Variants in SGSM3 observed in about 807,000 individuals in gnomAD.
SGSM3 encodes RUN and SH3 containing 3.
SGSM3 carries 96 observed loss-of-function variants against 100.5 expected under a neutral mutation model. The ratio of observed to expected loss-of-function variants is 0.96; its 90% CI spans 0.81 to 1.13. The LOEUF is 1.13. Among genes scored for constraint, SGSM3 ranks in the 50% most tolerant of loss-of-function variants. The pLI is 0.00. For synonymous variants in SGSM3, 483 were observed against 422.8 expected (o/e 1.14, Z -1.75); for missense variants, 1,001 against 1,015.8 (o/e 0.99, Z 0.20).
intron 1 of SGSM3, chr22:40,387,399 G>A (rs2048652846): frequency 2.6e-6 from 1 of 386,622 alleles, no homozygotes; most frequent in Non-Finnish European, 4.6e-6. Flanking sequence ...AATAAATGAT[G>A]TAAAGATGAG....
intron 16 of SGSM3, 53 bp downstream of exon 16, chr22:40,408,482 C>T: frequency 6.3e-7 from 1 of 1,598,098 alleles, no homozygotes; most frequent in Non-Finnish European, 8.6e-7. Flanking sequence ...CCTGCTGTGC[C>T]CCCTAGTACC....
intron 1 of SGSM3, among the ~76,000 whole-genome samples, chr22:40,389,744 A>G (rs1438290630): frequency 6.6e-6 from 1 of 151,666 alleles, no homozygotes; most frequent in African/African-American, 2.4e-5. Flanking sequence ...GTCTCTACTA[A>G]AAATACAAAA....
rs1422743489 is a variant in SGSM3, at chr22:40,407,963, C to G, written c.1580-108C>G. ...CTATACACCTGCCTGGCTTGAGGTC[C>G]CTGAAGCAGCTGAGCCGGCTTCCCA... is the stretch of plus-strand genomic sequence containing the variant. On this transcript the variant is annotated intron_variant, in intron 14 of 21. Coordinates refer to ENST00000248929, the MANE Select transcript of SGSM3 (RefSeq NM_015705.6). This position sits in a 1 kb window ranked among gnomAD's most constrained non-coding sequence, Gnocchi z 4.7. 2.7e-6 allele frequency: 4 copies of G among 1,459,190 alleles called. No homozygotes were observed. The African/African-American group carries it at 4.2e-5, about 15-fold the overall frequency. The allele number at this position is 1,459,190 out of a possible 1,614,324, so 90.4% of individuals were successfully genotyped here. A position where few individuals can be genotyped will look rare whatever the true frequency, so the allele number is the denominator to read the frequency against.
chr22:40,380,427 C>T (rs2047379915), intron 1 of SGSM3, among the ~76,000 whole-genome samples: 1 of 148,502 alleles, frequency 6.7e-6, no homozygotes, highest in Non-Finnish European at 1.5e-5. Flanking sequence ...AGTGCAGTGG[C>T]ACTATCTCAG....
At chr22:40,374,098 G>T (rs920560195) in intron 1 of SGSM3, among the ~76,000 whole-genome samples, 6 of 151,848 alleles carry the variant, frequency 4.0e-5, no homozygotes, top group Non-Finnish European at 7.4e-5. Context: ...GACTACAGGC[G>T]CCTGCCACCA....
chr22:40,408,028 C>G (rs551743698), intron 14 of SGSM3, 43 bp from the exon 15 acceptor site: 60 of 1,599,956 alleles, frequency 3.8e-5, no homozygotes, highest in Non-Finnish European at 5.0e-5. Flanking sequence ...GCTCTGTCCT[C>G]GGCCCTCGTG....
intron 1 of SGSM3, 98 bp downstream of exon 1, chr22:40,370,786 G>A (rs1167975771): frequency 6.6e-6 from 1 of 152,294 alleles, no homozygotes; most frequent in Non-Finnish European, 1.5e-5. Flanking sequence ...GTCCGACCGA[G>A]GGTCGTATGG....
At position 40,409,275 on chromosome 22, in the gene SGSM3, G is replaced by A; in HGVS notation, c.2014G>A (p.Glu672Lys). 6.2e-7 allele frequency: 1 copy of A among 1,611,348 alleles called. No individual in the cohort carries two copies. Among genetic ancestry groups the A allele is most frequent in the Non-Finnish European group, 8.5e-7 (1 of 1,179,716 alleles). ...TGAGCAGGTGCTGCACCTGTGGCTG[G>A]AGGTGCTCTGCTCCAGCCTGCCCAC... ...LNEQVLHLWL[E>K]VLCSSLPTVE... The change falls in exon 20 of 22, where the codon GAG becomes AAG. Residue 672 changes from glutamate (E) to lysine (K), a missense_variant. Glu to Lys is a moderately conservative substitution (Grantham distance 56). Coordinates refer to ENST00000248929, the MANE Select transcript of SGSM3 (RefSeq NM_015705.6).
intron 1 of SGSM3, among the ~76,000 whole-genome samples, chr22:40,392,718 T>C (rs2049523334): frequency 6.6e-6 from 1 of 152,248 alleles, no homozygotes; most frequent in Non-Finnish European, 1.5e-5. Flanking sequence ...CCTTTTAAAG[T>C]GTATAATTTA....
intron 1 of SGSM3, among the ~76,000 whole-genome samples, chr22:40,371,854 G>C (rs1170636735): frequency 6.8e-6 from 1 of 147,368 alleles, no homozygotes; most frequent in African/African-American, 2.5e-5. Flanking sequence ...CCGCCACCAC[G>C]CCCGGCTAAT....
At chr22:40,383,326 G>A (rs530540511) in intron 1 of SGSM3, among the ~76,000 whole-genome samples, 2 of 152,176 alleles carry the variant, frequency 1.3e-5, no homozygotes, top group Non-Finnish European at 2.9e-5. Context: ...AATTAGCCCG[G>A]CGTGGTGGCA....
rs369281504 is a variant in SGSM3 at position 40,406,491 on chromosome 22, G to C, written c.1014G>C (p.Ser338=). 3 of 1,610,532 alleles carry C rather than the reference G, an allele frequency of 1.9e-6. No homozygotes were observed. The highest frequency in any genetic ancestry group is 2.7e-5 in the African/African-American group (2 of 75,020). The change falls in exon 10 of 22, where the codon TCG becomes TCC. Residue 338 remains serine, a synonymous_variant. Coordinates refer to ENST00000248929, the MANE Select transcript of SGSM3 (RefSeq NM_015705.6). ...CGGCCTCCATCTTCAACACGCTATCGGATATCCCGTCGCAGATGGAGGACG... is the reference window on the plus strand; with the variant it reads ...CGGCCTCCATCTTCAACACGCTATCCGATATCCCGTCGCAGATGGAGGACG... ...ENSASIFNTL[S]DIPSQMEDAE...
At chr22:40,379,907 C>T (rs777978600) in intron 1 of SGSM3, among the ~76,000 whole-genome samples, 6 of 152,032 alleles carry the variant, frequency 3.9e-5, no homozygotes, top group African/African-American at 7.2e-5. Context: ...GATTGGGTTT[C>T]GTCATGTTGC....
intron 1 of SGSM3, among the ~76,000 whole-genome samples, chr22:40,383,950 G>A (rs1259403175): frequency 2.0e-5 from 3 of 152,132 alleles, no homozygotes; most frequent in Admixed American, 6.5e-5. Context: ...TGATATGAGA[G>A]TAAAAGCAGG....
chr22:40,405,979 C>G, intron 8 of SGSM3, 99 bp from the exon 9 acceptor site: 1 of 1,508,462 alleles, frequency 6.6e-7, no homozygotes, highest in Non-Finnish European at 9.0e-7. Flanking sequence ...CCTGCCCCCT[C>G]CCCTCCTTTG....
At position 40,408,124 on chromosome 22, in the gene SGSM3, AG is replaced by A. The variant is rs747443026; in HGVS notation, c.1629+10del. The A allele has an allele frequency of 1.5e-5, 10 of 683,238 alleles. No individual in the cohort carries two copies. The highest frequency in any genetic ancestry group is 7.2e-5 in the Admixed American group (3 of 41,934). 42.3% of individuals were successfully genotyped at this position (683,238 alleles called of 1,614,324 possible). On this transcript the variant is annotated splice_donor_5th_base_variant and intron_variant, in intron 15 of 21. Transcript: ENST00000248929. ...CCTGGATGAGCGCAGCAAAGAGGTG[AG>A]GGGGGTGGGCGGGCTAGGCACGGCT...
At chr22:40,372,192 T>C (rs976965439) in intron 1 of SGSM3, among the ~76,000 whole-genome samples, 16 of 132,580 alleles carry the variant, frequency 1.2e-4, no homozygotes, top group Middle Eastern at 8.6e-3. Context: ...AGTGGCGCGA[T>C]CTCGGCTCAC....
At position 40,407,995 on chromosome 22, in the gene SGSM3, CAGCCTGCCTGCAGGCTGT is replaced by C; in HGVS notation, c.1580-75_1580-58del. The C allele has an allele frequency of 6.5e-7, 1 of 1,534,418 alleles. No individual in the cohort carries two copies. The highest frequency in any genetic ancestry group is 8.9e-7 in the Non-Finnish European group (1 of 1,121,096). On this transcript the variant is annotated intron_variant, in intron 14 of 21. Coordinates refer to ENST00000248929, the MANE Select transcript of SGSM3 (RefSeq NM_015705.6). The surrounding 1 kb of genome is among the most constrained non-coding windows in gnomAD (Gnocchi z 4.7). ...CAGCTGAGCCGGCTTCCCACTGCCT[CAGCCTGCCTGCAGGCTGT>C]GTCTGCTCTGTCCTCGGCCCTCGTG...
At chr22:40,382,938 C>T (rs1386501603) in intron 1 of SGSM3, among the ~76,000 whole-genome samples, 2 of 152,202 alleles carry the variant, frequency 1.3e-5, no homozygotes, top group Non-Finnish European at 2.9e-5. Context: ...TTCTTGCTTC[C>T]ACAGTAACAC....
Sources: allele counts gnomAD v4.1 joint callset (sites outside exome capture counted in the v4.1 genomes callset), GRCh38; gene constraint gnomAD v4.1.1; non-coding constraint Gnocchi (gnomAD v3.1); transcripts MANE v1.5; gene names NCBI Gene and HGNC (gene_info 2026-07-23, HGNC 2026-07-21).